The following ARAP2 variants were observed in gnomAD, a reference collection of about 807,000 sequenced individuals.
ARAP2 encodes the protein arf-GAP with Rho-GAP domain, ANK repeat and PH domain-containing protein 2.
ARAP2 carries 148 observed loss-of-function variants against 194.5 expected under a neutral mutation model. The ratio of observed to expected loss-of-function variants is 0.76; its 90% confidence interval spans 0.67 to 0.87. The LOEUF is 0.87. Among genes scored for constraint, ARAP2 ranks in the 40% least tolerant of loss-of-function variants. The pLI is 0.00. For missense variants in ARAP2, 2,128 were observed against 1,989.7 expected, an observed-to-expected ratio of 1.07 and a Z score of -1.32; for synonymous variants, 695 against 683.5, an observed-to-expected ratio of 1.02 and a Z score of -0.26.
intron 20 of ARAP2, among the ~76,000 whole-genome samples, chr4:36,131,836 A>C (rs1725528125): frequency 6.6e-6 from 1 of 151,780 alleles, no homozygotes; most frequent in African/African-American, 2.4e-5. Context: ...TGACTGTAAC[A>C]AATGAAGGTA....
rs533010196 is a variant in ARAP2, at chr4:36,091,802, A to C, written c.4425+79T>G. On this transcript the variant is annotated intron_variant, in intron 28 of 32. Coordinates refer to ENST00000303965, the MANE Select transcript of ARAP2 (RefSeq NM_015230.4). ...TATACTACAGGCAGTGACTTCCAAG[A>C]GAGATGGCTGACAGTAGCATAAAAT... The C allele has an allele frequency of 2.2e-5, 32 of 1,437,266 alleles. No homozygotes were observed. In the South Asian group the frequency reaches 4.0e-4, roughly 18 times the overall value. 89.0% of individuals were successfully genotyped at this position (1,437,266 alleles called of 1,614,324 possible).
chr4:36,216,371 T>C (rs1055380031), intron 2 of ARAP2, among the ~76,000 whole-genome samples: 3 of 152,204 alleles, frequency 2.0e-5, no homozygotes, highest in Non-Finnish European at 4.4e-5. Context: ...GCTGTCGATA[T>C]CAAGTGTTGG....
At chr4:36,156,332 GGA>G (rs1344037568) in intron 15 of ARAP2, among the ~76,000 whole-genome samples, 1 of 61,190 alleles carries the variant, frequency 1.6e-5, no homozygotes, top group Non-Finnish European at 3.2e-5. Context: ...AGGGAGGGAG[GGA>G]GGGAAAGAGA....
At chr4:36,047,057 TG>T (rs1223524537) in intron 3 of ARAP2, 10 of 152,190 alleles carry the variant, frequency 6.6e-5, no homozygotes, top group African/African-American at 2.4e-4. Flanking sequence ...AGGCACATGC[TG>T]GGATATTATG....
chr4:36,162,604 C>T (rs200902808), intron 11 of ARAP2, among the ~76,000 whole-genome samples: 8 of 142,562 alleles, frequency 5.6e-5, no homozygotes, highest in African/African-American at 7.8e-5. Flanking sequence ...AAGTTCTTGT[C>T]TTTTTTTTTT....
At chr4:36,051,351 C>T (rs1013536303) in intron 3 of ARAP2, among the ~76,000 whole-genome samples, 10 of 152,048 alleles carry the variant, frequency 6.6e-5, no homozygotes, top group African/African-American at 1.4e-4. Flanking sequence ...TGGTGGCGGG[C>T]GCCTGTTGCC....
intron 5 of ARAP2, among the ~76,000 whole-genome samples, chr4:36,211,219 A>G (rs1220580199): frequency 6.6e-6 from 1 of 152,144 alleles, no homozygotes; most frequent in Non-Finnish European, 1.5e-5. Flanking sequence ...ATGCAATAAA[A>G]CAGAGAGTAT....
At chr4:36,088,036 G>A (rs576384473) in intron 28 of ARAP2, among the ~76,000 whole-genome samples, 4 of 152,148 alleles carry the variant, frequency 2.6e-5, no homozygotes, top group South Asian at 2.1e-4. Flanking sequence ...ACTCTGCTTC[G>A]CATAGAGTAC....
At chr4:36,030,422 G>A (rs1440895671) in intron 5 of ARAP2, among the ~76,000 whole-genome samples, 3 of 152,034 alleles carry the variant, frequency 2.0e-5, no homozygotes, top group Non-Finnish European at 2.9e-5. Context: ...TGTGCACCAT[G>A]TATCCTTTTT....
At chr4:36,135,646 G>C (rs1404856566) in intron 19 of ARAP2, among the ~76,000 whole-genome samples, 1 of 151,648 alleles carries the variant, frequency 6.6e-6, no homozygotes, top group African/African-American at 2.4e-5. Context: ...TCTATTGCTG[G>C]ATGTATTTGT....
Position 36,014,336 on chromosome 4 carries a change from A to AAG in ARAP2, n.1056+1048_1056+1049dup, listed in dbSNP as rs200492604. On this transcript the variant is annotated intron_variant and non_coding_transcript_variant, in intron 8 of 12. Transcript: ENST00000503225. ...AAAGAAAGAAAGAGAGAAAGAAAGA[A>AAG]AGAAAGAAAGAAAGAAAGAAAGAAA... 6.8e-4 allele frequency among the ~76,000 whole-genome samples: 58 copies of AAG among 85,786 alleles called. 1 individual carries two copies. Among genetic ancestry groups the AAG allele is most frequent in the African/African-American group, 2.0e-3 (55 of 26,870 alleles). 56.3% of individuals were successfully genotyped at this position (85,786 alleles called of 152,430 possible). A position where few individuals can be genotyped will look rare whatever the true frequency, so the allele number is the denominator to read the frequency against.
At chr4:36,072,645 C>T (rs532478975) in intron 32 of ARAP2, among the ~76,000 whole-genome samples, 9 of 138,684 alleles carry the variant, frequency 6.5e-5, no homozygotes, top group South Asian at 4.5e-4. Flanking sequence ...CTCTGCAGAG[C>T]GGTTTATTAC....
chr4:36,188,663 T>C (rs1263924311), intron 7 of ARAP2, among the ~76,000 whole-genome samples: 1 of 152,166 alleles, frequency 6.6e-6, no homozygotes, highest in Non-Finnish European at 1.5e-5. Flanking sequence ...TTAAAAGAGT[T>C]TGGATACATC....
In ARAP2 at chr4:36,213,346, CAGAA is replaced by C. The variant is rs1303735308; in HGVS notation, c.965-31_965-28del. On this transcript the variant is annotated intron_variant, in intron 3 of 32. Transcript: ENST00000303965. The stretch of plus-strand genomic sequence containing the variant: ...TTTTAGGGGAATTACAGGATGAGAA[CAGAA>C]AGATGTGAATAATGTGAAATACTGT... The C allele has an allele frequency of 7.4e-6, 11 of 1,479,498 alleles. No individual in the cohort carries two copies. The Admixed American group carries it at 1.6e-4, about 21-fold the overall frequency. 91.6% of individuals were successfully genotyped at this position (1,479,498 alleles called of 1,614,324 possible).
intron 14 of ARAP2, 42 bp downstream of exon 14, chr4:36,159,289 T>C (rs1174858945): frequency 1.4e-6 from 2 of 1,425,592 alleles, no homozygotes; most frequent in Non-Finnish European, 1.9e-6. Context: ...CTTTTACGGA[T>C]CTATCAGAAG....
At chr4:36,141,463 A>G (rs1728289277) in intron 19 of ARAP2, among the ~76,000 whole-genome samples, 1 of 151,696 alleles carries the variant, frequency 6.6e-6, no homozygotes, top group African/African-American at 2.4e-5. Context: ...TGTGGAAAAT[A>G]TTATTGCAAT....
At chr4:36,009,642 T>C (rs1306793378) in intron 9 of ARAP2, among the ~76,000 whole-genome samples, 2 of 152,098 alleles carry the variant, frequency 1.3e-5, no homozygotes, top group Non-Finnish European at 2.9e-5. Context: ...CCCCTGATTA[T>C]AAAATAAAAG....
intron 9 of ARAP2, among the ~76,000 whole-genome samples, chr4:36,177,432 A>C (rs1738207367): frequency 1.3e-5 from 2 of 152,098 alleles, no homozygotes; most frequent in Non-Finnish European, 2.9e-5. Context: ...TTACCCTATA[A>C]TTTTCTATCA....
intron 1 of ARAP2, among the ~76,000 whole-genome samples, chr4:36,231,394 C>T (rs1202770778): frequency 6.6e-6 from 1 of 151,896 alleles, no homozygotes; most frequent in Non-Finnish European, 1.5e-5. Flanking sequence ...TTACACAACA[C>T]TACATACAAA....
Sources: allele counts gnomAD v4.1 joint callset (sites outside exome capture counted in the v4.1 genomes callset), GRCh38; gene constraint gnomAD v4.1.1; transcripts MANE v1.5; gene names NCBI Gene and HGNC (gene_info 2026-07-23, HGNC 2026-07-21).